Variants in RAD51B observed in about 807,000 individuals in gnomAD.
RAD51B encodes the protein RAD51 paralog B, also known as DNA repair protein RAD51 homolog 2.
Under a neutral mutation model 42.2 loss-of-function variants are expected in RAD51B, and 38 were observed. That is an observed-to-expected ratio of 0.90 (90% confidence interval 0.70 to 1.18). The LOEUF (loss-of-function observed/expected upper bound fraction) is 1.18. Among genes scored for constraint, RAD51B ranks in the 50% most tolerant of loss-of-function variants. The probability of loss-of-function intolerance (pLI) is 0.00; values close to 1 mark genes in which losing one functional copy is unlikely to be tolerated. For synonymous variants in RAD51B, 154 were observed against 145.2 expected (o/e 1.06, Z -0.43); for missense variants, 373 against 400.7 (o/e 0.93, Z 0.59).
At chr14:68,013,566 A>C (rs1193817119) in intron 7 of RAD51B, among the ~76,000 whole-genome samples, 1 of 152,212 alleles carries the variant, frequency 6.6e-6, no homozygotes, top group Non-Finnish European at 1.5e-5. Context: ...TGTAAATACT[A>C]AACAAATATT....
chr14:68,423,778 T>G (rs1433639095), intron 9 of RAD51B, among the ~76,000 whole-genome samples: 1 of 152,256 alleles, frequency 6.6e-6, no homozygotes, highest in African/African-American at 2.4e-5. Context: ...AAGAGTGGAA[T>G]GATCCATTGC....
chr14:67,946,358 T>C (rs1034071366), intron 7 of RAD51B, among the ~76,000 whole-genome samples: 1 of 150,728 alleles, frequency 6.6e-6, no homozygotes, highest in African/African-American at 2.4e-5. Flanking sequence ...TCCTCTTTTT[T>C]GTTGTTGTTG....
At chr14:68,352,283 T>G (rs2139876344) in intron 8 of RAD51B, among the ~76,000 whole-genome samples, 1 of 152,372 alleles carries the variant, frequency 6.6e-6, no homozygotes, top group African/African-American at 2.4e-5. Flanking sequence ...TTTCTGTAAC[T>G]ATTACTTATC....
intron 10 of RAD51B, among the ~76,000 whole-genome samples, chr14:68,649,836 C>G (rs1354120260): frequency 6.6e-6 from 1 of 152,196 alleles, no homozygotes; most frequent in African/African-American, 2.4e-5. Flanking sequence ...CTGATATGAG[C>G]ACAAAATCAG....
At chr14:68,120,707 G>A (rs966706935) in intron 7 of RAD51B, among the ~76,000 whole-genome samples, 1 of 151,944 alleles carries the variant, frequency 6.6e-6, no homozygotes, top group Non-Finnish European at 1.5e-5. Flanking sequence ...TTTAAGTAAG[G>A]GTCCTCATTT....
chr14:68,280,535 T>C (rs539400433), intron 7 of RAD51B, among the ~76,000 whole-genome samples: 1 of 152,338 alleles, frequency 6.6e-6, no homozygotes, highest in Non-Finnish European at 1.5e-5. Flanking sequence ...CTCACTGAGT[T>C]GTGAGGATAA....
chr14:68,179,678 A>T (rs1431417353), intron 7 of RAD51B, among the ~76,000 whole-genome samples: 2 of 152,196 alleles, frequency 1.3e-5, no homozygotes, highest in Non-Finnish European at 2.9e-5. Flanking sequence ...TTTTTCAAAG[A>T]ACATCTCTAG....
chr14:68,667,566 A>G (rs1232772800), intron 11 of RAD51B, among the ~76,000 whole-genome samples: 1 of 152,210 alleles, frequency 6.6e-6, no homozygotes, highest in African/African-American at 2.4e-5. Context: ...AGCTGGAGCC[A>G]ATATTCCCCC....
At chr14:68,227,690 A>G (rs1386050875) in intron 7 of RAD51B, among the ~76,000 whole-genome samples, 3 of 152,138 alleles carry the variant, frequency 2.0e-5, no homozygotes, top group Non-Finnish European at 4.4e-5. Context: ...AGGGTCCGTC[A>G]ACTGGGGTAT....
intron 7 of RAD51B, among the ~76,000 whole-genome samples, chr14:67,986,781 G>T (rs1392409284): frequency 6.6e-6 from 1 of 152,178 alleles, no homozygotes; most frequent in African/African-American, 2.4e-5. Context: ...GCTCAGGCTG[G>T]AGTTCAGTGG....
chr14:68,402,116 C>G (rs151176965), intron 8 of RAD51B, among the ~76,000 whole-genome samples: 2 of 152,262 alleles, frequency 1.3e-5, no homozygotes, highest in African/African-American at 4.8e-5. Context: ...ATTAATTTTG[C>G]TGGAAGATAA....
intron 8 of RAD51B, among the ~76,000 whole-genome samples, chr14:68,333,144 C>A (rs1392235408): frequency 1.3e-5 from 2 of 152,188 alleles, no homozygotes; most frequent in Admixed American, 6.5e-5. Context: ...AGAGTGGTGT[C>A]CCCTTGACCC....
chr14:67,960,948 G>A (rs1445725667), intron 7 of RAD51B, among the ~76,000 whole-genome samples: 1 of 151,908 alleles, frequency 6.6e-6, no homozygotes, highest in African/African-American at 2.4e-5. Context: ...GGGATTACAG[G>A]CATGAGCCAC....
rs1595083001 is a variant in RAD51B at position 67,901,684 on chromosome 14, A to AT, written c.756+14482dup. 2.0e-5 allele frequency among the ~76,000 whole-genome samples: 3 copies of AT among 152,232 alleles called. No individual in the cohort carries two copies. In the East Asian group the frequency reaches 5.8e-4, roughly 29 times the overall value. ...GATATGGAATCAACCAAAGTGGATG[A>AT]TTGGATGAGGAAAGTGTAGTATATA... On this transcript the variant is annotated intron_variant, in intron 7 of 10. Coordinates refer to ENST00000471583, the MANE Select transcript of RAD51B (RefSeq NM_133510.4).
At chr14:67,869,205 G>A (rs1056125732) in intron 5 of RAD51B, among the ~76,000 whole-genome samples, 2 of 152,180 alleles carry the variant, frequency 1.3e-5, no homozygotes, top group African/African-American at 2.4e-5. Context: ...TTAGAAGAAT[G>A]TATAACTAGA....
At chr14:68,586,571 T>G (rs905040884) in intron 10 of RAD51B, among the ~76,000 whole-genome samples, 3 of 152,016 alleles carry the variant, frequency 2.0e-5, no homozygotes, top group Non-Finnish European at 2.9e-5. Flanking sequence ...AGCAGGTGAG[T>G]GGGCCCAAAG....
intron 7 of RAD51B, among the ~76,000 whole-genome samples, chr14:68,155,914 C>T (rs1024175276): frequency 6.6e-6 from 1 of 152,254 alleles, no homozygotes; most frequent in Non-Finnish European, 1.5e-5. Context: ...CACATAGAGA[C>T]GTGGTGTTCA....
chr14:67,970,745 A>G (rs933648663), intron 7 of RAD51B, among the ~76,000 whole-genome samples: 3 of 152,042 alleles, frequency 2.0e-5, no homozygotes, highest in African/African-American at 7.2e-5. Flanking sequence ...TTGAAAAATC[A>G]CTGTTGTTCT....
chr14:68,293,080 T>C (rs966360678), intron 8 of RAD51B, among the ~76,000 whole-genome samples: 2 of 152,172 alleles, frequency 1.3e-5, no homozygotes, highest in African/African-American at 4.8e-5. Flanking sequence ...AAACTCCCAA[T>C]TGAATTATTT....
Sources: allele counts gnomAD v4.1 joint callset (sites outside exome capture counted in the v4.1 genomes callset), GRCh38; gene constraint gnomAD v4.1.1; transcripts MANE v1.5; gene names NCBI Gene and HGNC (gene_info 2026-07-23, HGNC 2026-07-21).